Variants in ANXA7 observed in about 807,000 individuals in gnomAD.
The protein encoded by ANXA7 is annexin A7, also known as annexin VII.
Under a neutral mutation model 64.9 loss-of-function variants are expected in ANXA7, and 55 were observed. That is an observed-to-expected ratio of 0.85 (90% confidence interval 0.68 to 1.06). ANXA7 has a LOEUF of 1.06. ANXA7 is among the 50% of genes least tolerant of loss of function. The pLI is 0.00. For synonymous variants in ANXA7, 200 were observed against 192.4 expected, an observed-to-expected ratio of 1.04 and a Z score of -0.33; for missense variants, 548 against 582.1, an observed-to-expected ratio of 0.94 and a Z score of 0.60.
intron 1 of ANXA7, among the ~76,000 whole-genome samples, chr10:73,403,417 CTT>C (rs1292776503): frequency 6.6e-6 from 1 of 152,040 alleles, no homozygotes; most frequent in Non-Finnish European, 1.5e-5. Context: ...GAGCCCAAGA[CTT>C]CAAGGCTGCA....
At chr10:73,400,977 G>T (rs1316043108) in intron 1 of ANXA7, 120 bp from the exon 2 acceptor site, 3 of 668,792 alleles carry the variant, frequency 4.5e-6, no homozygotes, top group Non-Finnish European at 4.6e-6. Flanking sequence ...CGTGATTTTG[G>T]CTCACTGCAA....
In ANXA7 at chr10:73,400,846, G is replaced by A. The variant is rs535205670; in HGVS notation, c.11C>T (p.Pro4Leu). ...TGGGTAGCCTGTTGGGGGATAGCCT[G>A]GGTATGACATTCTGTAACAACAATA... MSYPGYPPTGYPPF... is the reference protein window; with the variant it reads MSYLGYPPTGYPPF... Residue 4 changes from proline (P) to leucine (L), a missense_variant, in exon 2 of 13, where the codon CCA (proline) becomes CTA (leucine). Transcript: ENST00000372921. 4 of 1,602,160 alleles carry A rather than the reference G, an allele frequency of 2.5e-6. No homozygotes were observed. The highest frequency in any genetic ancestry group is 3.4e-5 in the Admixed American group (2 of 58,554).
At chr10:73,403,020 T>TC (rs1036581984) in intron 1 of ANXA7, among the ~76,000 whole-genome samples, 12 of 152,196 alleles carry the variant, frequency 7.9e-5, no homozygotes, top group Non-Finnish European at 1.3e-4. Flanking sequence ...AGATGGGGTT[T>TC]CACCATCTTG....
intron 1 of ANXA7, among the ~76,000 whole-genome samples, chr10:73,410,646 G>GT (rs1321414111): frequency 6.6e-6 from 1 of 152,106 alleles, no homozygotes; most frequent in East Asian, 1.9e-4. Flanking sequence ...GCTGGGCATG[G>GT]TGGCGTGTGA....
chr10:73,406,577 C>G (rs2055761568), intron 1 of ANXA7, among the ~76,000 whole-genome samples: 2 of 151,918 alleles, frequency 1.3e-5, no homozygotes, highest in African/African-American at 4.8e-5. Flanking sequence ...TATTATTATA[C>G]ATATATTTTT....
chr10:73,375,906 T>C lies in ANXA7; in HGVS notation c.*189A>G, dbSNP rs2055161421. ...GATATGGCTTTACATTGATTGTATGTAGAGAACAAAATAAAATTAGAATTA... is the reference window on the plus strand; with the variant it reads ...GATATGGCTTTACATTGATTGTATGCAGAGAACAAAATAAAATTAGAATTA... On this transcript the variant is annotated 3_prime_UTR_variant, in exon 13 of 13. Coordinates refer to ENST00000372921, the MANE Select transcript of ANXA7 (RefSeq NM_001156.5). 1.2e-5 allele frequency: 5 copies of C among 431,128 alleles called. No homozygotes were observed. Among genetic ancestry groups the C allele is most frequent in the East Asian group, 1.1e-4 (3 of 27,420 alleles). The allele number at this position is 431,128 out of a possible 1,614,324, so 26.7% of individuals were successfully genotyped here. A position where few individuals can be genotyped will look rare whatever the true frequency, so the allele number is the denominator to read the frequency against.
chr10:73,403,398 G>A (rs1281659646), intron 1 of ANXA7, among the ~76,000 whole-genome samples: 1 of 152,148 alleles, frequency 6.6e-6, no homozygotes, highest in Non-Finnish European at 1.5e-5. Context: ...CTGGGCAGGA[G>A]GATCACTTGA....
chr10:73,408,642 A>T, intron 1 of ANXA7, among the ~76,000 whole-genome samples: 1 of 152,312 alleles, frequency 6.6e-6, no homozygotes. Flanking sequence ...AATTAAAGCT[A>T]TTTTAAGAAA....
chr10:73,405,137 G>A (rs946103033), intron 1 of ANXA7, among the ~76,000 whole-genome samples: 5 of 151,786 alleles, frequency 3.3e-5, no homozygotes, highest in Non-Finnish European at 7.4e-5. Context: ...CAGCTACTTG[G>A]AAGGCTGAGG....
Position 73,382,277 on chromosome 10 carries a change from A to T in ANXA7, c.918+898T>A, listed in dbSNP as rs540495380. Among the ~76,000 whole-genome samples, 3 of 152,260 alleles carry T rather than the reference A, an allele frequency of 2.0e-5. No individual in the cohort carries two copies. In the South Asian group the frequency reaches 6.2e-4, roughly 32 times the overall value. On this transcript the variant is annotated intron_variant, in intron 9 of 12. Coordinates refer to ENST00000372921, the MANE Select transcript of ANXA7 (RefSeq NM_001156.5). ...CAATAACTCTTGATATTGAATCAGCATGCTAGTCATTTACATAATCTCTTT... is the reference window on the plus strand; with the variant it reads ...CAATAACTCTTGATATTGAATCAGCTTGCTAGTCATTTACATAATCTCTTT...
chr10:73,391,623 G>T (rs1414047809), intron 5 of ANXA7, among the ~76,000 whole-genome samples: 3 of 152,022 alleles, frequency 2.0e-5, no homozygotes, highest in Non-Finnish European at 4.4e-5. Context: ...ACTCAAAATT[G>T]AACAAACAAA....
intron 2 of ANXA7, 133 bp from the exon 3 acceptor site, chr10:73,398,518 C>A: frequency 3.8e-6 from 3 of 797,374 alleles, no homozygotes; most frequent in Non-Finnish European, 5.8e-6. Context: ...CATTAGAAAT[C>A]CTGGTATCTT....
At chr10:73,406,230 G>C (rs1269996053) in intron 1 of ANXA7, among the ~76,000 whole-genome samples, 6 of 151,988 alleles carry the variant, frequency 3.9e-5, no homozygotes, top group Non-Finnish European at 7.4e-5. Context: ...TGCTGGGATC[G>C]CAGGCATGAG....
intron 7 of ANXA7, among the ~76,000 whole-genome samples, chr10:73,386,052 A>G (rs1303560500): frequency 1.3e-5 from 2 of 152,118 alleles, no homozygotes; most frequent in African/African-American, 2.4e-5. Context: ...CGTCTCTACT[A>G]AAAGTACAAA....
intron 5 of ANXA7, among the ~76,000 whole-genome samples, chr10:73,393,930 G>A (rs967574229): frequency 4.6e-5 from 7 of 152,282 alleles, no homozygotes; most frequent in African/African-American, 1.4e-4. Context: ...GCAACCTACA[G>A]AATGGGAGAA....
intron 5 of ANXA7, among the ~76,000 whole-genome samples, chr10:73,390,684 C>A (rs2055457241): frequency 7.3e-6 from 1 of 137,716 alleles, no homozygotes; most frequent in Non-Finnish European, 1.5e-5. Context: ...CTGTGATTCT[C>A]TTTTGTAAAA....
At chr10:73,396,615 G>T in intron 4 of ANXA7, 32 bp from the exon 5 acceptor site, 1 of 1,403,062 alleles carries the variant, frequency 7.1e-7, no homozygotes, top group Non-Finnish European at 1.0e-6. Context: ...TAATAATACG[G>T]CAACAGGTCT....
At chr10:73,405,169 G>C (rs1337408343) in intron 1 of ANXA7, among the ~76,000 whole-genome samples, 1 of 151,734 alleles carries the variant, frequency 6.6e-6, no homozygotes, top group Admixed American at 6.6e-5. Context: ...CTTGAACCCA[G>C]GAGGTGGAGG....
chr10:73,406,890 C>T (rs2055766231), intron 1 of ANXA7, among the ~76,000 whole-genome samples: 1 of 151,854 alleles, frequency 6.6e-6, no homozygotes, highest in African/African-American at 2.4e-5. Flanking sequence ...CTATTTAACT[C>T]ATTTCTTACC....
Sources: allele counts gnomAD v4.1 joint callset (sites outside exome capture counted in the v4.1 genomes callset), GRCh38; gene constraint gnomAD v4.1.1; transcripts MANE v1.5; gene names NCBI Gene and HGNC (gene_info 2026-07-23, HGNC 2026-07-21).